LRBA: variants seen among roughly 807,000 people sequenced by gnomAD.
LRBA encodes lipopolysaccharide-responsive and beige-like anchor protein.
In LRBA, 176 loss-of-function variants were observed where a neutral mutation model predicts 330.0. The ratio of observed to expected loss-of-function variants is 0.53; its 90% CI spans 0.47 to 0.60. LRBA has a LOEUF of 0.60. Among genes scored for constraint, LRBA ranks in the 20% least tolerant of loss-of-function variants. The pLI, the probability that LRBA is intolerant of heterozygous loss-of-function variation, is 0.00. For missense variants in LRBA, 3,259 were observed against 3,444.8 expected (o/e 0.95, Z 1.35); for synonymous variants, 1,230 against 1,193.0 (o/e 1.03, Z -0.64).
At chr4:150,567,808 T>C (rs17026966) in intron 40 of LRBA, among the ~76,000 whole-genome samples, 4,112 of 152,312 alleles carry the variant, frequency 0.027, 179 homozygotes, top group African/African-American at 0.093. Context: ...ATCAAATTTA[T>C]CACTCTATAA....
intron 46 of LRBA, among the ~76,000 whole-genome samples, chr4:150,435,211 C>A (rs1032460649): frequency 2.0e-5 from 3 of 151,918 alleles, no homozygotes; most frequent in African/African-American, 7.3e-5. Context: ...ACTAGCCAGG[C>A]GTTGTGGCAG....
chr4:151,013,347 T>A (rs1729388494), intron 2 of LRBA: 2 of 152,118 alleles, frequency 1.3e-5, no homozygotes, highest in African/African-American at 4.8e-5. Flanking sequence ...GAGGCTGGAA[T>A]AAAGAAATCT....
chr4:150,552,996 G>C (rs1266717298), intron 40 of LRBA, among the ~76,000 whole-genome samples: 1 of 151,456 alleles, frequency 6.6e-6, no homozygotes, highest in African/African-American at 2.4e-5. Flanking sequence ...ATGAACCCGG[G>C]AAACGGAGCT....
chr4:150,709,725 A>C (rs954024452), intron 36 of LRBA, among the ~76,000 whole-genome samples: 19 of 152,040 alleles, frequency 1.2e-4, no homozygotes, highest in African/African-American at 4.6e-4. Flanking sequence ...GCAGGAAATA[A>C]TCAGGGAATA....
chr4:150,531,582 A>AT (rs1454105129), intron 40 of LRBA, among the ~76,000 whole-genome samples: 4 of 152,238 alleles, frequency 2.6e-5, no homozygotes, highest in Admixed American at 6.5e-5. Flanking sequence ...TCACTGGTAT[A>AT]TTCTCAACAC....
At chr4:150,542,875 G>A (rs1244163367) in intron 40 of LRBA, among the ~76,000 whole-genome samples, 1 of 151,942 alleles carries the variant, frequency 6.6e-6, no homozygotes, top group Non-Finnish European at 1.5e-5. Flanking sequence ...AAATTTTAAG[G>A]TTTCATAGCA....
chr4:150,485,955 T>C (rs1041543355), intron 42 of LRBA, among the ~76,000 whole-genome samples: 1 of 151,916 alleles, frequency 6.6e-6, no homozygotes, highest in Non-Finnish European at 1.5e-5. Flanking sequence ...TGGGGAGATG[T>C]GGCCAAAGTG....
At chr4:150,510,889 T>G (rs913060683) in intron 40 of LRBA, among the ~76,000 whole-genome samples, 3 of 152,170 alleles carry the variant, frequency 2.0e-5, no homozygotes, top group African/African-American at 7.2e-5. Flanking sequence ...AGAGTCTCAC[T>G]CTGTCGCCCA....
chr4:150,555,333 A>T (rs1767152519), intron 40 of LRBA, among the ~76,000 whole-genome samples: 1 of 152,216 alleles, frequency 6.6e-6, no homozygotes, highest in South Asian at 2.1e-4. Context: ...ATTCTGTTCA[A>T]CCCATAACAA....
chr4:150,382,777 T>G (rs1017644142), intron 47 of LRBA, among the ~76,000 whole-genome samples: 2 of 152,148 alleles, frequency 1.3e-5, no homozygotes, highest in Non-Finnish European at 2.9e-5. Flanking sequence ...CCAAAAGTAG[T>G]GAAGAACTTA....
At chr4:150,830,040 G>A (rs772240260) in intron 29 of LRBA, among the ~76,000 whole-genome samples, 17 of 152,136 alleles carry the variant, frequency 1.1e-4, no homozygotes, top group African/African-American at 1.9e-4. Flanking sequence ...ACCATCTCTA[G>A]TTACCAACCT....
At chr4:150,626,882 CAA>C (rs902985286) in intron 37 of LRBA, among the ~76,000 whole-genome samples, 1 of 151,996 alleles carries the variant, frequency 6.6e-6, no homozygotes, top group Non-Finnish European at 1.5e-5. Flanking sequence ...AATTGAAAGA[CAA>C]TACATTCTTT....
chr4:150,363,156 A>G (rs1393240384), intron 47 of LRBA, among the ~76,000 whole-genome samples: 1 of 151,966 alleles, frequency 6.6e-6, no homozygotes, highest in Non-Finnish European at 1.5e-5. Context: ...ACAAAACAAA[A>G]AACAGTTTAG....
At chr4:150,504,651 A>G (rs575520951) in intron 40 of LRBA, among the ~76,000 whole-genome samples, 1 of 152,358 alleles carries the variant, frequency 6.6e-6, no homozygotes, top group East Asian at 1.9e-4. Flanking sequence ...GCCAAATTGT[A>G]AAGACCATCA....
chr4:150,849,027 T>C lies in LRBA; in HGVS notation c.4159-29A>G, dbSNP rs60675263. Reference sequence around the variant, plus strand: ...TAAAGAATAAAGTTTGACATTTATATATATATATTCTGAAAAAAAAATTTT... The same window carrying C: ...TAAAGAATAAAGTTTGACATTTATACATATATATTCTGAAAAAAAAATTTT... On this transcript the variant is annotated intron_variant, in intron 25 of 56. Coordinates refer to ENST00000651943, the MANE Select transcript of LRBA (RefSeq NM_001364905.1). 10,415 of 1,481,566 alleles carry C rather than the reference T, an allele frequency of 7.0e-3. 438 individuals carry two copies. In the African/African-American group the frequency reaches 0.11, roughly 16 times the overall value. The allele number at this position is 1,481,566 out of a possible 1,614,324, so 91.8% of individuals were successfully genotyped here.
In LRBA at chr4:150,918,335, C is replaced by T. The variant is rs74701701; in HGVS notation, c.646-1597G>A. Reference sequence around the variant, plus strand: ...TATACATATCTCCAAAGAAGATATACAAATAGCCAATAAAAATATAAAAAG... The same window carrying T: ...TATACATATCTCCAAAGAAGATATATAAATAGCCAATAAAAATATAAAAAG... On this transcript the variant is annotated intron_variant, in intron 5 of 56. Coordinates refer to ENST00000651943, the MANE Select transcript of LRBA (RefSeq NM_001364905.1). 5.8e-3 allele frequency among the ~76,000 whole-genome samples: 877 copies of T among 152,122 alleles called. 11 individuals are homozygous for T. Among genetic ancestry groups the T allele is most frequent in the African/African-American group, 0.02 (816 of 41,496 alleles).
intron 36 of LRBA, among the ~76,000 whole-genome samples, chr4:150,694,100 ACCT>A (rs1391491274): frequency 1.3e-5 from 2 of 152,050 alleles, no homozygotes; most frequent in Admixed American, 6.6e-5. Flanking sequence ...TCTCTCTTCT[ACCT>A]CCTCCCTGTT....
At chr4:150,924,913 T>C (rs1273696691) in intron 4 of LRBA, among the ~76,000 whole-genome samples, 2 of 152,154 alleles carry the variant, frequency 1.3e-5, no homozygotes, top group Non-Finnish European at 2.9e-5. Context: ...CTGAGTGTGG[T>C]GGCTCATGCC....
intron 46 of LRBA, among the ~76,000 whole-genome samples, chr4:150,419,435 T>G (rs967987286): frequency 1.3e-5 from 2 of 152,114 alleles, no homozygotes; most frequent in African/African-American, 4.8e-5. Flanking sequence ...CACACAAGCC[T>G]GGACTCTCAT....
Sources: gnomAD v4.1 joint callset for allele counts (sites outside exome capture counted in the v4.1 genomes callset) on GRCh38, gnomAD v4.1.1 for gene constraint, MANE v1.5 for transcripts, NCBI Gene and HGNC (gene_info 2026-07-23, HGNC 2026-07-21) for gene names.